BCL10: variants seen among roughly 807,000 people sequenced by gnomAD.
BCL10 encodes the protein BCL10 immune signaling adaptor, also known as B-cell lymphoma/leukemia 10.
In BCL10, 5 loss-of-function variants were observed where a neutral mutation model predicts 19.2. That is an observed-to-expected ratio of 0.26 (90% CI 0.14 to 0.55). BCL10 has a LOEUF of 0.55. Among genes scored for constraint, BCL10 ranks in the 20% least tolerant of loss-of-function variants. BCL10 has a pLI of 0.94. For missense variants in BCL10, 201 were observed against 271.9 expected, an observed-to-expected ratio of 0.74 and a Z score of 1.83; for synonymous variants, 110 against 98.8, an observed-to-expected ratio of 1.11 and a Z score of -0.67.
rs1223364532 is a variant in BCL10, at chr1:85,271,836, A to G, written c.58-930T>C. On this transcript the variant is annotated intron_variant, in intron 1 of 2. Coordinates refer to ENST00000648566, the MANE Select transcript of BCL10 (RefSeq NM_003921.5). ...AATGGCAGGAAAGTAGGCTAGGTGA[A>G]GGGTTCCTGTGGTTCTTGGTCTACG... 5.3e-5 allele frequency among the ~76,000 whole-genome samples: 8 copies of G among 152,340 alleles called. No individual in the cohort carries two copies. The South Asian group carries it at 8.3e-4, about 16-fold the overall frequency.
At chr1:85,270,964 G>A (rs1157136305) in intron 1 of BCL10, 58 bp from the exon 2 acceptor site, 15 of 1,513,316 alleles carry the variant, frequency 9.9e-6, no homozygotes, top group Admixed American at 3.9e-5. Context: ...AATCACATAC[G>A]TGACTATTAG....
Position 85,270,697 on chromosome 1 carries a change from T to C in BCL10, c.267A>G (p.Glu89=), listed in dbSNP as rs1660347695. 1 of 1,613,810 alleles carries C rather than the reference T, an allele frequency of 6.2e-7. No individual in the cohort carries two copies. Among genetic ancestry groups the C allele is most frequent in the East Asian group, 2.2e-5 (1 of 44,868 alleles). ...LDTLVESIRR[E]KTQNFLIQKI... is the part of the protein sequence containing the mutation. ...TCTGTATCAGGAAGTTCTGTGTTTT[T>C]TCTCGCCGAATAGATTCAACAAGGG... is the stretch of plus-strand genomic sequence containing the variant. Residue 89 remains glutamate (E), a synonymous_variant, in exon 2 of 3, where the codon GAA becomes GAG. Transcript: ENST00000648566.
At chr1:85,273,483 A>G (rs552531235) in intron 1 of BCL10, among the ~76,000 whole-genome samples, 4 of 152,336 alleles carry the variant, frequency 2.6e-5, no homozygotes, top group South Asian at 4.2e-4. Context: ...AAAGGGTTTT[A>G]CACCATTTTT....
At chr1:85,270,435 G>C (rs1163443319) in intron 2 of BCL10, among the ~76,000 whole-genome samples, 183 bp downstream of exon 2, 1 of 152,098 alleles carries the variant, frequency 6.6e-6, no homozygotes, top group Admixed American at 6.6e-5. Context: ...ATCATGCCTG[G>C]CTAATTTTTT....
intron 1 of BCL10, among the ~76,000 whole-genome samples, chr1:85,275,109 T>C (rs1047418521): frequency 1.3e-5 from 2 of 152,242 alleles, no homozygotes; most frequent in Non-Finnish European, 2.9e-5. Context: ...TGACACAGCA[T>C]CTGGAACATA....
chr1:85,276,173 T>C (rs113756942), intron 1 of BCL10, 123 bp downstream of exon 1: 4 of 1,243,684 alleles, frequency 3.2e-6, no homozygotes, highest in Non-Finnish European at 4.7e-6. Flanking sequence ...CCTCCTGTGC[T>C]AGGACTTTCC....
chr1:85,270,489 T>A, intron 2 of BCL10, 129 bp downstream of exon 2: 1 of 796,418 alleles, frequency 1.3e-6, no homozygotes, highest in Non-Finnish European at 2.0e-6. Flanking sequence ...CCCAGGCTGG[T>A]CTCAAAACTC....
At chr1:85,271,760 C>T (rs749857489) in intron 1 of BCL10, among the ~76,000 whole-genome samples, 23 of 152,094 alleles carry the variant, frequency 1.5e-4, no homozygotes, top group Admixed American at 2.0e-4. Context: ...CTTAGAAAAG[C>T]GCTTGGTACA....
intron 1 of BCL10, among the ~76,000 whole-genome samples, chr1:85,275,078 G>A (rs1424184858): frequency 6.6e-6 from 1 of 152,222 alleles, no homozygotes; most frequent in Non-Finnish European, 1.5e-5. Flanking sequence ...CGAAGGTTAA[G>A]TGGGAACATT....
In BCL10 at chr1:85,267,022, T is replaced by C. The variant is rs1447231320; in HGVS notation, c.*605A>G. On this transcript the variant is annotated 3_prime_UTR_variant, in exon 3 of 3. Coordinates refer to ENST00000648566, the MANE Select transcript of BCL10 (RefSeq NM_003921.5). ...GAAAATCCTAACAAAGTAGTATAAT[T>C]AGTAAGGTTAATTAGAAATGAATTT... The C allele has an allele frequency of 5.2e-6, 1 of 190,758 alleles. No individual in the cohort carries two copies. The highest frequency in any genetic ancestry group is 1.1e-5 in the Non-Finnish European group (1 of 90,992). 11.8% of individuals were successfully genotyped at this position (190,758 alleles called of 1,614,324 possible).
rs1368050684 is a variant in BCL10 at position 85,276,323 on chromosome 1, C to G, written c.30G>C (p.Glu10Asp). MEPTAPSLT[E>D]EDLTEVKKDA... ...CCTTCTTCACTTCAGTGAGGTCCTC[C>G]TCGGTGAGGGACGGTGCGGTGGGCT... Residue 10 changes from glutamate to aspartate, a missense_variant, in exon 1 of 3, where the codon GAG becomes GAC. By Grantham distance (45) the Glu-to-Asp change is conservative. Around this residue, in one of 3 missense-constraint regions of BCL10, gnomAD observed 24 missense variants for 16.6 expected, o/e 1.45. Coordinates refer to ENST00000648566, the MANE Select transcript of BCL10 (RefSeq NM_003921.5). 1.9e-6 allele frequency: 3 copies of G among 1,613,644 alleles called. No individual in the cohort carries two copies. The East Asian group carries it at 6.7e-5, about 36-fold the overall frequency.
Position 85,267,953 on chromosome 1 carries a change from G to GA in BCL10, c.375dup (p.Pro126SerfsTer15). On this transcript the variant is annotated frameshift_variant, in exon 3 of 3. Transcript: ENST00000648566. LOFTEE classifies it high-confidence loss of function. ...GAGAGGTTGTTCGTGGCTCCATCTGGAAAAGGTTCACAACTGCTACATTTT... is the reference window on the plus strand; with the variant it reads ...GAGAGGTTGTTCGTGGCTCCATCTGGAAAAAGGTTCACAACTGCTACATTTT... 6.3e-7 allele frequency: 1 copy of GA among 1,594,838 alleles called. No individual in the cohort carries two copies. The highest frequency in any genetic ancestry group is 8.5e-7 in the Non-Finnish European group (1 of 1,169,874).
rs1383124410 is a variant in BCL10, at chr1:85,270,735, T to C, written c.229A>G (p.Lys77Glu). The change falls in exon 2 of 3, where the codon AAA (lysine) becomes GAA (glutamate). Residue 77 changes from lysine to glutamate, a missense_variant. Physicochemically the swap from Lys to Glu is moderately conservative, Grantham distance 56. This residue lies in a region of BCL10 where 51 missense variants were observed against 118.8 expected (regional missense o/e 0.43). Coordinates refer to ENST00000648566, the MANE Select transcript of BCL10 (RefSeq NM_003921.5). ...KLLDYLQENP[K>E]GLDTLVESIR... ...GATTCAACAAGGGTGTCCAGACCTT[T>C]TGGGTTTTCCTGTAAGTAGTCTAAC... 3 of 1,614,160 alleles carry C rather than the reference T, an allele frequency of 1.9e-6. No individual in the cohort carries two copies. In the Admixed American group the frequency reaches 5.0e-5, roughly 27 times the overall value.
chr1:85,267,438 C>G lies in BCL10; in HGVS notation c.*189G>C. The G allele has an allele frequency of 2.0e-6, 1 of 496,114 alleles. No individual in the cohort carries two copies. The highest frequency in any genetic ancestry group is 3.5e-6 in the Non-Finnish European group (1 of 288,004). The allele number at this position is 496,114 out of a possible 1,614,324, so 30.7% of individuals were successfully genotyped here. Reference sequence around the variant, plus strand: ...AAATTACTAAAAAGTACATGATCAACATGATTTACAGTTAGCTATCCTAGA... The same window carrying G: ...AAATTACTAAAAAGTACATGATCAAGATGATTTACAGTTAGCTATCCTAGA... On this transcript the variant is annotated 3_prime_UTR_variant, in exon 3 of 3. Coordinates refer to ENST00000648566, the MANE Select transcript of BCL10 (RefSeq NM_003921.5).
chr1:85,271,819 G>A (rs529918664), intron 1 of BCL10, among the ~76,000 whole-genome samples: 3 of 152,312 alleles, frequency 2.0e-5, no homozygotes, highest in African/African-American at 7.2e-5. Context: ...GTAATGGCAG[G>A]AAAGTAGGCT....
rs768184908 is a variant in BCL10 at position 85,276,253 on chromosome 1, G to A, written c.57+43C>T. ...TTCCGCTTTCGTCTCCCGCTGGGCT[G>A]CAGCCCGCCCCCGCCCGCCCTGGGC... On this transcript the variant is annotated intron_variant, in intron 1 of 2. Coordinates refer to ENST00000648566, the MANE Select transcript of BCL10 (RefSeq NM_003921.5). The A allele has an allele frequency of 5.6e-6, 9 of 1,599,006 alleles. No individual in the cohort carries two copies. In the African/African-American group the frequency reaches 1.2e-4, roughly 21 times the overall value.
chr1:85,273,698 G>A (rs1660428651), intron 1 of BCL10, among the ~76,000 whole-genome samples: 2 of 152,126 alleles, frequency 1.3e-5, no homozygotes, highest in South Asian at 4.1e-4. Flanking sequence ...AACTGCATCT[G>A]GAATTCTGCT....
rs1251484596 is a variant in BCL10 at position 85,267,120 on chromosome 1, T to C, written c.*507A>G. The C allele has an allele frequency of 2.1e-5, 4 of 191,918 alleles. No homozygotes were observed. The highest frequency in any genetic ancestry group is 1.1e-5 in the Non-Finnish European group (1 of 91,674). 11.9% of individuals were successfully genotyped at this position (191,918 alleles called of 1,614,324 possible). A position where few individuals can be genotyped will look rare whatever the true frequency, so the allele number is the denominator to read the frequency against. The stretch of plus-strand genomic sequence containing the variant: ...CAGTATCAAAAAGAGGCTGTTTACA[T>C]GCCTATACGACAATGGAGTGGAAAA... On this transcript the variant is annotated 3_prime_UTR_variant, in exon 3 of 3. Transcript: ENST00000648566.
At chr1:85,275,663 G>A (rs1280197154) in intron 1 of BCL10, among the ~76,000 whole-genome samples, 5 of 152,154 alleles carry the variant, frequency 3.3e-5, no homozygotes, top group Non-Finnish European at 7.4e-5. Context: ...TAAATATGAA[G>A]GTTTATGTGG....
Sources: gnomAD v4.1 joint callset for allele counts (sites outside exome capture counted in the v4.1 genomes callset) on GRCh38, gnomAD v4.1.1 for gene constraint, gnomAD v4.1.1 regional missense constraint, MANE v1.5 for transcripts, NCBI Gene and HGNC (gene_info 2026-07-23, HGNC 2026-07-21) for gene names.